Variants in AGBL2 observed in about 807,000 individuals in gnomAD.
AGBL2 encodes the protein cytosolic carboxypeptidase 2.
AGBL2 carries 87 observed loss-of-function variants against 103.0 expected under a neutral mutation model. The ratio of observed to expected loss-of-function variants is 0.84; its 90% CI spans 0.71 to 1.01. AGBL2 has a LOEUF of 1.01. AGBL2 is among the 50% of genes least tolerant of loss of function. AGBL2 has a pLI of 0.00. For synonymous variants in AGBL2, 335 were observed against 356.7 expected (o/e 0.94, Z 0.69); for missense variants, 904 against 1,023.5 (o/e 0.88, Z 1.59).
intron 18 of AGBL2, among the ~76,000 whole-genome samples, chr11:47,662,604 T>C (rs1479507822): frequency 6.6e-6 from 1 of 152,062 alleles, no homozygotes; most frequent in African/African-American, 2.4e-5. Context: ...GCGATTCTCC[T>C]GCCTCAGCCT....
chr11:47,712,183 T>C (rs1439058987), intron 3 of AGBL2, among the ~76,000 whole-genome samples: 1 of 152,142 alleles, frequency 6.6e-6, no homozygotes, highest in Non-Finnish European at 1.5e-5. Flanking sequence ...AATTTGTGGG[T>C]GGAAGATAGA....
At chr11:47,684,322 C>G (rs1431013384) in intron 11 of AGBL2, among the ~76,000 whole-genome samples, 6 of 151,808 alleles carry the variant, frequency 4.0e-5, no homozygotes, top group Non-Finnish European at 7.4e-5. Context: ...AATCCCAGCA[C>G]TTTGGGAGGC....
Position 47,691,730 on chromosome 11 carries a change from AT to A in AGBL2, c.848+372del, listed in dbSNP as rs1206142793. Among the ~76,000 whole-genome samples the A allele has an allele frequency of 4.8e-3, 41 of 8,528 alleles. 3 individuals carry two copies. Among genetic ancestry groups the A allele is most frequent in the African/African-American group, 4.4e-3 (10 of 2,288 alleles). The allele number at this position is 8,528 out of a possible 152,430, so 5.6% of individuals were successfully genotyped here. On this transcript the variant is annotated intron_variant, in intron 9 of 18. Transcript: ENST00000525123. ...CTCAAGAAAAAAAAAAAAAAAAAAA[AT>A]ATATATATATATATATATATATATA... is the stretch of plus-strand genomic sequence containing the variant.
intron 4 of AGBL2, chr11:47,710,165 A>G (rs1197903972): frequency 1.1e-5 from 6 of 549,042 alleles, no homozygotes; most frequent in Non-Finnish European, 1.9e-5. Flanking sequence ...CTGAGATTAC[A>G]GGCGTGATCA....
intron 8 of AGBL2, among the ~76,000 whole-genome samples, chr11:47,695,710 G>A (rs2097466749): frequency 6.6e-6 from 1 of 151,580 alleles, no homozygotes. Context: ...ATAAGGTGGA[G>A]GATACAATGA....
intron 12 of AGBL2, among the ~76,000 whole-genome samples, chr11:47,680,786 G>GAAACAAAACA (rs56208874): frequency 0.5 from 73,373 of 147,356 alleles, 20,597 homozygotes; most frequent in Non-Finnish European, 0.63. Context: ...GGGAGACCCT[G>GAAACAAAACA]AAACAAAACA....
At chr11:47,661,573 A>T (rs2097328083) in intron 18 of AGBL2, among the ~76,000 whole-genome samples, 1 of 152,088 alleles carries the variant, frequency 6.6e-6, no homozygotes, top group South Asian at 2.1e-4. Flanking sequence ...AAGAATTCCC[A>T]AGCAACAGAC....
intron 14 of AGBL2, among the ~76,000 whole-genome samples, chr11:47,675,884 T>C (rs1051019587): frequency 8.5e-5 from 13 of 152,134 alleles, no homozygotes; most frequent in African/African-American, 3.1e-4. Context: ...TGCACACCTG[T>C]AGTCCCAGCT....
At chr11:47,712,141 A>G (rs1382948368) in intron 3 of AGBL2, among the ~76,000 whole-genome samples, 2 of 152,220 alleles carry the variant, frequency 1.3e-5, no homozygotes, top group Non-Finnish European at 1.5e-5. Context: ...GCCACAGTAC[A>G]TAAGTACTTA....
At chr11:47,666,445 G>T (rs546268085) in intron 17 of AGBL2, among the ~76,000 whole-genome samples, 1 of 150,532 alleles carries the variant, frequency 6.6e-6, no homozygotes, top group East Asian at 1.9e-4. Flanking sequence ...AAACTATAAA[G>T]TACTAAACAT....
intron 1 of AGBL2, 36 bp from the exon 2 acceptor site, chr11:47,714,786 C>T: frequency 2.3e-6 from 2 of 881,046 alleles, no homozygotes; most frequent in South Asian, 2.7e-5. Flanking sequence ...AAAAAACTGC[C>T]AATACCTCCC....
chr11:47,659,964 C>T lies in AGBL2; in HGVS notation c.*209G>A, dbSNP rs1339453723. ...ATTTTTACACATCATAATAAAATTT[C>T]ATTTTATGAAAAAATAGTTGAATTC... On this transcript the variant is annotated 3_prime_UTR_variant, in exon 19 of 19. Transcript: ENST00000525123. The T allele has an allele frequency of 2.3e-6, 1 of 436,398 alleles. No individual in the cohort carries two copies. Among genetic ancestry groups the T allele is most frequent in the East Asian group, 3.6e-5 (1 of 28,006 alleles). 27.0% of individuals were successfully genotyped at this position (436,398 alleles called of 1,614,324 possible).
chr11:47,692,078 A>C, intron 9 of AGBL2, 25 bp downstream of exon 9: 6 of 1,597,312 alleles, frequency 3.8e-6, no homozygotes, highest in Non-Finnish European at 5.1e-6. Flanking sequence ...TCCAATTATC[A>C]TCCCTTTGAG....
chr11:47,711,679 G>A (rs572156817), intron 3 of AGBL2, among the ~76,000 whole-genome samples: 6 of 152,064 alleles, frequency 3.9e-5, no homozygotes, highest in South Asian at 4.1e-4. Context: ...GATTACAGGC[G>A]TGCAACACCA....
In AGBL2 at chr11:47,690,459, C is replaced by A. The variant is rs779673785; in HGVS notation, c.1248G>T (p.Gln416His). Reference protein sequence around the residue: ...YLLSVANNPIQSQFCKLQTLC... With the variant: ...YLLSVANNPIHSQFCKLQTLC... Reference sequence around the variant, plus strand: ...AAGTTTGGAGCTTGCAGAACTGAGACTGGATAGGGTTGTTTGCCACTGACA... The same window carrying A: ...AAGTTTGGAGCTTGCAGAACTGAGAATGGATAGGGTTGTTTGCCACTGACA... The change falls in exon 10 of 19, where the codon CAG (glutamine) becomes CAT (histidine). Residue 416 changes from glutamine (Q) to histidine (H), a missense_variant. Gln to His is a conservative substitution (Grantham distance 24). Coordinates refer to ENST00000525123, the MANE Select transcript of AGBL2 (RefSeq NM_024783.4). The A allele has an allele frequency of 6.2e-7, 1 of 1,614,128 alleles. No homozygotes were observed. Among genetic ancestry groups the A allele is most frequent in the South Asian group, 1.1e-5 (1 of 91,086 alleles).
At chr11:47,682,189 G>A (rs1182746758) in intron 11 of AGBL2, 94 bp from the exon 12 acceptor site, 1 of 1,258,100 alleles carries the variant, frequency 7.9e-7, no homozygotes, top group South Asian at 1.4e-5. Flanking sequence ...TTTCCTTGGG[G>A]TCCATATGTT....
Position 47,686,160 on chromosome 11 carries a change from GAA to G in AGBL2, c.1632-113_1632-112del, listed in dbSNP as rs2097422791. ...CAGCTGTTAATACTTTCCCTCCTAA[GAA>G]AATCTCAACTCCATTGGCCTTCAAT... On this transcript the variant is annotated intron_variant, in intron 10 of 18. Transcript: ENST00000525123. The G allele has an allele frequency of 4.4e-6, 5 of 1,145,450 alleles. No homozygotes were observed. In the African/African-American group the frequency reaches 8.0e-5, roughly 18 times the overall value. The allele number at this position is 1,145,450 out of a possible 1,614,324, so 71.0% of individuals were successfully genotyped here.
At position 47,690,805 on chromosome 11, in the gene AGBL2, T is replaced by C; in HGVS notation, c.902A>G (p.His301Arg). The C allele has an allele frequency of 6.2e-7, 1 of 1,613,778 alleles. No individual in the cohort carries two copies. The highest frequency in any genetic ancestry group is 1.6e-4 in the Middle Eastern group (1 of 6,062). The change falls in exon 10 of 19, where the codon CAC (histidine) becomes CGC (arginine). Residue 301 changes from histidine (H) to arginine (R), a missense_variant. His to Arg is a conservative substitution (Grantham distance 29). Transcript: ENST00000525123. ...TLRTDLYTNKHTQWFYFRVQN... is the reference protein window; with the variant it reads ...TLRTDLYTNKRTQWFYFRVQN... ...AACACGAAAATAAAACCACTGAGTG[T>C]GTTTGTTAGTGTAGAGGTCAGTTCG...
rs141369982 is a variant in AGBL2 at position 47,681,969 on chromosome 11, C to T, written c.1915G>A (p.Gly639Ser). The change falls in exon 12 of 19, where the codon GGT becomes AGT. Residue 639 changes from glycine to serine, a missense_variant and splice_region_variant. Physicochemically the swap from Gly to Ser is moderately conservative, Grantham distance 56. Transcript: ENST00000525123. ...CTATGATATACAAAAGAGAATGTACCCAGGGTGGACCCGCCAAAGGTAGAC... is the reference window on the plus strand; with the variant it reads ...CTATGATATACAAAAGAGAATGTACTCAGGGTGGACCCGCCAAAGGTAGAC... ...MESTFGGSTL[G>S]NKRDTHFTIE... 79 of 1,613,562 alleles carry T rather than the reference C, an allele frequency of 4.9e-5. No individual in the cohort carries two copies. Among genetic ancestry groups the T allele is most frequent in the Non-Finnish European group, 6.1e-5 (72 of 1,179,878 alleles).
Sources: gnomAD v4.1 joint callset for allele counts (sites outside exome capture counted in the v4.1 genomes callset) on GRCh38, gnomAD v4.1.1 for gene constraint, MANE v1.5 for transcripts, NCBI Gene and HGNC (gene_info 2026-07-23, HGNC 2026-07-21) for gene names.